SNW1: variants seen among roughly 807,000 people sequenced by gnomAD.
SNW1 encodes SNW domain-containing protein 1.
A neutral mutation model predicts 75.6 loss-of-function variants in SNW1; 9 were observed. The observed-to-expected ratio is 0.12, with a 90% CI of 0.07 to 0.21. SNW1 has a LOEUF of 0.21. Ranked by LOEUF, SNW1 falls within the 10% of genes least tolerant of loss-of-function variation. SNW1 has a pLI of 1.00. For missense variants in SNW1, 409 were observed against 670.9 expected, an observed-to-expected ratio of 0.61 and a Z score of 4.31; for synonymous variants, 200 against 219.1, an observed-to-expected ratio of 0.91 and a Z score of 0.77.
intron 3 of SNW1, among the ~76,000 whole-genome samples, chr14:77,742,354 A>C (rs1343697232): frequency 6.6e-6 from 1 of 152,018 alleles, no homozygotes; most frequent in Non-Finnish European, 1.5e-5. Flanking sequence ...AAATTTTTAT[A>C]GTCTGAGAAT....
At chr14:77,723,464 C>G (rs1402048710) in intron 10 of SNW1, among the ~76,000 whole-genome samples, 187 bp from the exon 11 acceptor site, 2 of 152,186 alleles carry the variant, frequency 1.3e-5, no homozygotes, top group Non-Finnish European at 2.9e-5. Flanking sequence ...ATCCTCCTGC[C>G]TCATCCTCCC....
Position 77,718,029 on chromosome 14 carries a change from T to C in SNW1, c.*59A>G, listed in dbSNP as rs756062357. 1 of 1,434,376 alleles carries C rather than the reference T, an allele frequency of 7.0e-7. No homozygotes were observed. Among genetic ancestry groups the C allele is most frequent in the African/African-American group, 1.4e-5 (1 of 70,342 alleles). The allele number at this position is 1,434,376 out of a possible 1,614,324, so 88.9% of individuals were successfully genotyped here. A position where few individuals can be genotyped will look rare whatever the true frequency, so the allele number is the denominator to read the frequency against. On this transcript the variant is annotated 3_prime_UTR_variant, in exon 14 of 14. Transcript: ENST00000261531. ...TGACCATTTACAAAGTGTTCCCCCA[T>C]ATGACTTGCATCATTAGGGTTATGG...
intron 1 of SNW1, among the ~76,000 whole-genome samples, chr14:77,757,329 T>C (rs1248608206): frequency 2.6e-5 from 4 of 152,180 alleles, no homozygotes; most frequent in Non-Finnish European, 5.9e-5. Flanking sequence ...TAATCCAGTC[T>C]GGGGAGGTAA....
chr14:77,737,151 T>A, intron 5 of SNW1, 76 bp from the exon 6 acceptor site: 1 of 1,004,022 alleles, frequency 1.0e-6, no homozygotes, highest in Non-Finnish European at 1.6e-6. Context: ...ATTACAATCT[T>A]AAGCTAGACT....
At chr14:77,721,415 C>G (rs2080539922) in intron 11 of SNW1, among the ~76,000 whole-genome samples, 1 of 152,162 alleles carries the variant, frequency 6.6e-6, no homozygotes, top group Non-Finnish European at 1.5e-5. Flanking sequence ...ACTAAAAACT[C>G]AGGTCACAAA....
intron 11 of SNW1, among the ~76,000 whole-genome samples, chr14:77,722,005 G>A (rs1215154256): frequency 1.3e-5 from 2 of 152,136 alleles, no homozygotes; most frequent in Non-Finnish European, 2.9e-5. Context: ...GCTTTGGCCT[G>A]CCAAAGTGCT....
At chr14:77,744,693 G>T (rs546558428) in intron 3 of SNW1, among the ~76,000 whole-genome samples, 2 of 152,064 alleles carry the variant, frequency 1.3e-5, no homozygotes, top group South Asian at 4.2e-4. Context: ...ATGCAAAACG[G>T]ACCAAAGCTG....
At chr14:77,719,576 G>A (rs11849178) in intron 12 of SNW1, among the ~76,000 whole-genome samples, 9,568 of 152,222 alleles carry the variant, frequency 0.063, 362 homozygotes, top group African/African-American at 0.089. Flanking sequence ...GGGAGGTGGA[G>A]GTTGCAGTGA....
At chr14:77,760,787 C>T (rs1378385363) in intron 1 of SNW1, 3 of 706,264 alleles carry the variant, frequency 4.2e-6, no homozygotes, top group Non-Finnish European at 7.7e-6. Flanking sequence ...CCAACCCCAT[C>T]TCGTTCGCCC....
intron 12 of SNW1, chr14:77,720,382 G>A (rs1032895130): frequency 1.9e-5 from 12 of 632,546 alleles, no homozygotes; most frequent in Non-Finnish European, 2.8e-5. Flanking sequence ...TGATCTGCCC[G>A]CTTCGGCCTC....
intron 10 of SNW1, among the ~76,000 whole-genome samples, chr14:77,724,022 T>A (rs1052527691): frequency 6.6e-6 from 1 of 152,246 alleles, no homozygotes; most frequent in Non-Finnish European, 1.5e-5. Context: ...ATTAGTTTAA[T>A]TTTTGAATGT....
intron 11 of SNW1, chr14:77,722,383 C>T (rs981682431): frequency 1.9e-5 from 7 of 359,440 alleles, no homozygotes; most frequent in Admixed American, 3.7e-5. Context: ...AGTTAAACTA[C>T]TCCTAAAAAT....
intron 3 of SNW1, among the ~76,000 whole-genome samples, chr14:77,745,725 T>G (rs2080755808): frequency 6.7e-6 from 1 of 148,822 alleles, no homozygotes; most frequent in Admixed American, 6.7e-5. Context: ...AGTTTTTTTC[T>G]TCTTAACAAC....
At chr14:77,745,766 G>C (rs946155885) in intron 3 of SNW1, among the ~76,000 whole-genome samples, 6 of 151,930 alleles carry the variant, frequency 3.9e-5, no homozygotes, top group South Asian at 2.1e-4. Context: ...GCACACAACT[G>C]TAATTCCAAC....
chr14:77,757,511 G>A (rs1013415672), intron 1 of SNW1, among the ~76,000 whole-genome samples: 2 of 152,184 alleles, frequency 1.3e-5, no homozygotes, highest in South Asian at 2.1e-4. Context: ...AGTTGGTATA[G>A]TATCTAGACA....
At chr14:77,736,107 A>G in intron 6 of SNW1, 101 bp from the exon 7 acceptor site, 1 of 756,848 alleles carries the variant, frequency 1.3e-6, no homozygotes, top group Non-Finnish European at 2.2e-6. Flanking sequence ...TTTCAAACAT[A>G]GACAAAAACA....
chr14:77,759,411 G>A (rs957782368), intron 1 of SNW1, among the ~76,000 whole-genome samples: 1 of 152,142 alleles, frequency 6.6e-6, no homozygotes, highest in African/African-American at 2.4e-5. Context: ...ACTCTAGGGC[G>A]CTGAGGCAGG....
At chr14:77,746,276 C>T (rs1373781584) in intron 3 of SNW1, among the ~76,000 whole-genome samples, 2 of 152,188 alleles carry the variant, frequency 1.3e-5, no homozygotes, top group Non-Finnish European at 2.9e-5. Context: ...GACAAACAGA[C>T]ATGGATGAAT....
At position 77,733,756 on chromosome 14, in the gene SNW1, A is replaced by C. The variant is rs1237951453; in HGVS notation, c.775-1155T>G. Among the ~76,000 whole-genome samples, 11 of 150,510 alleles carry C rather than the reference A, an allele frequency of 7.3e-5. No individual in the cohort carries two copies. In the East Asian group the frequency reaches 1.7e-3, roughly 24 times the overall value. On this transcript the variant is annotated intron_variant, in intron 8 of 13. Transcript: ENST00000261531. ...CGAGACCGTCTCAAAAAAAAAAAAAAAAAAAAAAAAAACCAAAGAAAAAAG... is the reference window on the plus strand; with the variant it reads ...CGAGACCGTCTCAAAAAAAAAAAAACAAAAAAAAAAAACCAAAGAAAAAAG...
Sources: gnomAD v4.1 joint callset for allele counts (sites outside exome capture counted in the v4.1 genomes callset) on GRCh38, gnomAD v4.1.1 for gene constraint, MANE v1.5 for transcripts, NCBI Gene and HGNC (gene_info 2026-07-23, HGNC 2026-07-21) for gene names.